UGT1A9: variants seen among roughly 807,000 people sequenced by gnomAD.
UGT1A9 encodes the protein UDP glucuronosyltransferase family 1 member A9, also known as UDP-glucuronosyltransferase 1A9.
A neutral mutation model predicts 45.0 loss-of-function variants in UGT1A9; 35 were observed. The observed-to-expected ratio is 0.78, with a 90% CI of 0.59 to 1.03. UGT1A9 has a LOEUF of 1.03. Among genes scored for constraint, UGT1A9 ranks in the 50% least tolerant of loss-of-function variants. The pLI is 0.00. For missense variants in UGT1A9, 687 were observed against 666.6 expected, an observed-to-expected ratio of 1.03 and a Z score of -0.34; for synonymous variants, 278 against 250.6, an observed-to-expected ratio of 1.11 and a Z score of -1.03.
At position 233,713,454 on chromosome 2, in the gene UGT1A9, C is replaced by A. The variant is rs776428029; in HGVS notation, c.855+40665C>A. 66 of 1,614,072 alleles carry A rather than the reference C, an allele frequency of 4.1e-5. 1 individual carries two copies. The highest frequency in any genetic ancestry group is 3.1e-4 in the South Asian group (28 of 91,036). ...TGATGTGGTTCTAACAGACCCCTTTCACCTCTGCGCGGCGGTGCTGGCTAA... is the reference window on the plus strand; with the variant it reads ...TGATGTGGTTCTAACAGACCCCTTTAACCTCTGCGCGGCGGTGCTGGCTAA... On this transcript the variant is annotated intron_variant, in intron 1 of 4. Transcript: ENST00000354728.
chr2:233,718,712 A>G (rs2076677466), intron 1 of UGT1A9: 1 of 1,607,000 alleles, frequency 6.2e-7, no homozygotes, highest in South Asian at 1.1e-5. Context: ...TCTTCCAATT[A>G]CATGCTGATT....
At chr2:233,737,362 C>G (rs1215274347) in intron 1 of UGT1A9, among the ~76,000 whole-genome samples, 2 of 152,208 alleles carry the variant, frequency 1.3e-5, no homozygotes, top group East Asian at 3.9e-4. Context: ...AGCTGCTAAG[C>G]CAGGCAGGGG....
At chr2:233,750,013 A>T (rs1694334722) in intron 1 of UGT1A9, among the ~76,000 whole-genome samples, 1 of 151,828 alleles carries the variant, frequency 6.6e-6, no homozygotes, top group East Asian at 1.9e-4. Context: ...TGCCATGGAG[A>T]GTGGAGTACT....
chr2:233,751,261 C>T (rs1694682107), intron 1 of UGT1A9, among the ~76,000 whole-genome samples: 1 of 151,890 alleles, frequency 6.6e-6, no homozygotes, highest in South Asian at 2.1e-4. Flanking sequence ...GGCCTGTAGC[C>T]CCCTTTTTTT....
chr2:233,750,088 A>G (rs1694357041), intron 1 of UGT1A9, among the ~76,000 whole-genome samples: 1 of 151,928 alleles, frequency 6.6e-6, no homozygotes, highest in South Asian at 2.1e-4. Context: ...AGGTTGGAAC[A>G]GTTTGGAGAG....
At chr2:233,712,978 T>A (rs2076265993) in intron 1 of UGT1A9, 1 of 1,613,140 alleles carries the variant, frequency 6.2e-7, no homozygotes, top group Admixed American at 1.7e-5. Flanking sequence ...CAGCTGTCGG[T>A]GGCTTCTGCT....
At chr2:233,771,559 G>GTA (rs1700328528) in intron 4 of UGT1A9, 1 of 152,152 alleles carries the variant, frequency 6.6e-6, no homozygotes, top group South Asian at 2.1e-4. Flanking sequence ...CTGTTAATTT[G>GTA]GCCAGAGGTG....
chr2:233,751,532 C>A (rs1375355946), intron 1 of UGT1A9, among the ~76,000 whole-genome samples: 5 of 152,214 alleles, frequency 3.3e-5, no homozygotes, highest in Admixed American at 6.5e-5. Context: ...TATGGTTTGA[C>A]TCTGTGTTTC....
chr2:233,727,261 C>T (rs1322887481), intron 1 of UGT1A9, among the ~76,000 whole-genome samples: 2 of 152,146 alleles, frequency 1.3e-5, no homozygotes, highest in African/African-American at 4.8e-5. Flanking sequence ...GCCCAGACCC[C>T]TCCTCATCTC....
chr2:233,679,877 C>G (rs2074465039), intron 1 of UGT1A9, among the ~76,000 whole-genome samples: 1 of 152,124 alleles, frequency 6.6e-6, no homozygotes, highest in South Asian at 2.1e-4. Flanking sequence ...TTTCTTATAG[C>G]AATCCTACAC....
Position 233,769,406 on chromosome 2 carries a change from T to C in UGT1A9, c.1295+967T>C. Reference sequence around the variant, plus strand: ...AATAGATACTGTGTGCATATGTGCGTGTGCGTTTGTGCATGTGGCTGTGCT... The same window carrying C: ...AATAGATACTGTGTGCATATGTGCGCGTGCGTTTGTGCATGTGGCTGTGCT... On this transcript the variant is annotated intron_variant, in intron 4 of 4. Transcript: ENST00000354728. This position sits in a 1 kb window ranked among gnomAD's most constrained non-coding sequence, Gnocchi z 4.4. 1 of 1,252,262 alleles carries C rather than the reference T, an allele frequency of 8.0e-7. No individual in the cohort carries two copies. Among genetic ancestry groups the C allele is most frequent in the Non-Finnish European group, 1.1e-6 (1 of 876,920 alleles). The allele number at this position is 1,252,262 out of a possible 1,614,324, so 77.6% of individuals were successfully genotyped here.
At chr2:233,716,775 G>C (rs1050671351) in intron 1 of UGT1A9, among the ~76,000 whole-genome samples, 4 of 152,178 alleles carry the variant, frequency 2.6e-5, no homozygotes, top group African/African-American at 9.7e-5. Flanking sequence ...CTCAGGTCAG[G>C]CTTTCGGGAT....
intron 1 of UGT1A9, among the ~76,000 whole-genome samples, chr2:233,762,133 C>T (rs1697980653): frequency 6.6e-6 from 1 of 152,096 alleles, no homozygotes. Flanking sequence ...ATGTGGGGAC[C>T]TGTGTGACTT....
chr2:233,743,852 G>A (rs770873874), intron 1 of UGT1A9: 10 of 1,367,226 alleles, frequency 7.3e-6, no homozygotes, highest in East Asian at 9.1e-5. Flanking sequence ...CTTGCGGTAC[G>A]CCTTCTTGAT....
At chr2:233,729,259 C>A (rs45625338) in intron 1 of UGT1A9, 1 of 1,613,960 alleles carries the variant, frequency 6.2e-7, no homozygotes, top group Admixed American at 1.7e-5. Context: ...GCTCAGCATG[C>A]GGGAGGTCTT....
intron 1 of UGT1A9, among the ~76,000 whole-genome samples, chr2:233,726,112 G>A (rs1457987990): frequency 6.6e-6 from 1 of 152,176 alleles, no homozygotes; most frequent in Non-Finnish European, 1.5e-5. Flanking sequence ...GCTGCAGTGT[G>A]CCATGTTCAC....
Position 233,713,802 on chromosome 2 carries a change from C to G in UGT1A9, c.855+41013C>G, listed in dbSNP as rs746544410. The G allele has an allele frequency of 1.9e-5, 30 of 1,613,976 alleles. No individual in the cohort carries two copies. In the Middle Eastern group the frequency reaches 1.2e-3, roughly 62 times the overall value. On this transcript the variant is annotated intron_variant, in intron 1 of 4. Transcript: ENST00000354728. ...GATGGATTACCCCAGGCCGATCATG[C>G]CCAACATGGTCTTCATTGGGGGCAT...
chr2:233,767,314 G>A, intron 2 of UGT1A9, 149 bp downstream of exon 2: 1 of 1,489,626 alleles, frequency 6.7e-7, no homozygotes, highest in Non-Finnish European at 8.8e-7. Flanking sequence ...GGTTTTTTTT[G>A]TTGTTGTGGT....
chr2:233,769,664 G>A lies in UGT1A9; in HGVS notation c.1295+1225G>A. ...CTGATGACTGACTTCCCACCTTTGAGGTGCTAATGTGTGTGTGGTGGCACT... is the reference window on the plus strand; with the variant it reads ...CTGATGACTGACTTCCCACCTTTGAAGTGCTAATGTGTGTGTGGTGGCACT... On this transcript the variant is annotated intron_variant, in intron 4 of 4. Coordinates refer to ENST00000354728, the MANE Select transcript of UGT1A9 (RefSeq NM_021027.3). This position sits in a 1 kb window ranked among gnomAD's most constrained non-coding sequence, Gnocchi z 4.4. The A allele has an allele frequency of 6.3e-7, 1 of 1,596,206 alleles. No homozygotes were observed. Among genetic ancestry groups the A allele is most frequent in the African/African-American group, 1.3e-5 (1 of 74,742 alleles).
Sources: allele counts gnomAD v4.1 joint callset (sites outside exome capture counted in the v4.1 genomes callset), GRCh38; gene constraint gnomAD v4.1.1; non-coding constraint Gnocchi (gnomAD v3.1); transcripts MANE v1.5; gene names NCBI Gene and HGNC (gene_info 2026-07-23, HGNC 2026-07-21).